The following ALDH1L1 variants were observed in gnomAD, a reference collection of about 807,000 sequenced individuals.
ALDH1L1 encodes aldehyde dehydrogenase 1 family member L1.
Under a neutral mutation model 101.1 loss-of-function variants are expected in ALDH1L1, and 68 were observed. The ratio of observed to expected loss-of-function variants is 0.67; its 90% CI spans 0.55 to 0.82. The LOEUF is 0.82. Ranked by LOEUF, ALDH1L1 falls within the 40% of genes least tolerant of loss-of-function variation. The probability of loss-of-function intolerance (pLI) is 0.00; values close to 1 mark genes in which losing one functional copy is unlikely to be tolerated. For missense variants in ALDH1L1, 1,087 were observed against 1,172.7 expected, an observed-to-expected ratio of 0.93 and a Z score of 1.07; for synonymous variants, 486 against 470.8, an observed-to-expected ratio of 1.03 and a Z score of -0.42.
chr3:126,179,810 G>A (rs1431992219), intron 1 of ALDH1L1: 1 of 152,188 alleles, frequency 6.6e-6, no homozygotes, highest in African/African-American at 2.4e-5. Context: ...TCCTCTCCTA[G>A]GCAAGTGCCC....
intron 1 of ALDH1L1, among the ~76,000 whole-genome samples, chr3:126,176,939 G>C (rs148202979): frequency 1.3e-5 from 2 of 152,344 alleles, no homozygotes; most frequent in Admixed American, 1.3e-4. Flanking sequence ...ACAGATGGCA[G>C]AGAAGCATTT....
chr3:126,175,664 T>G (rs1332331270), intron 1 of ALDH1L1, among the ~76,000 whole-genome samples: 1 of 152,108 alleles, frequency 6.6e-6, no homozygotes, highest in Non-Finnish European at 1.5e-5. Context: ...TGATAAGAGC[T>G]TTCAGCAAGC....
chr3:126,114,791 A>ACCCCCCCCCCCCCCC, intron 17 of ALDH1L1, 135 bp from the exon 18 acceptor site: 5 of 600,056 alleles, frequency 8.3e-6, no homozygotes, highest in Non-Finnish European at 1.4e-5. Context: ...GTGCCTCCCC[A>ACCCCCCCCCCCCCCC]CTCCCCCCCA....
At chr3:126,180,900 C>A, upstream of ALDH1L1, 1 of 1,597,852 alleles carries the variant, frequency 6.3e-7, no homozygotes, top group South Asian at 1.1e-5. Context: ...CAGAGGAGAC[C>A]CTCGCCAAGC....
In ALDH1L1 at chr3:126,133,896, T is replaced by C. The variant is rs367943452; in HGVS notation, c.1472+1639A>G. Reference sequence around the variant, plus strand: ...CACGGTCTTTCCCAGGAGCTCCTCTTTGTGGCCCCACTTGGCAGCTGGATA... The same window carrying C: ...CACGGTCTTTCCCAGGAGCTCCTCTCTGTGGCCCCACTTGGCAGCTGGATA... On this transcript the variant is annotated intron_variant, in intron 12 of 22. Coordinates refer to ENST00000393434, the MANE Select transcript of ALDH1L1 (RefSeq NM_012190.4). Among the ~76,000 whole-genome samples the C allele has an allele frequency of 3.0e-4, 46 of 152,298 alleles. 1 individual carries two copies. In the South Asian group the frequency reaches 7.9e-3, roughly 26 times the overall value.
chr3:126,161,846 A>G (rs1326800274), intron 1 of ALDH1L1, among the ~76,000 whole-genome samples: 1 of 152,216 alleles, frequency 6.6e-6, no homozygotes, highest in East Asian at 1.9e-4. Flanking sequence ...CCAGAAAGAG[A>G]AAAACTCCAG....
intron 18 of ALDH1L1, among the ~76,000 whole-genome samples, chr3:126,113,467 G>A (rs1353860795): frequency 1.3e-5 from 2 of 152,106 alleles, no homozygotes; most frequent in Non-Finnish European, 2.9e-5. Context: ...TTTCAAACTC[G>A]CCTGCTGTGG....
intron 17 of ALDH1L1, chr3:126,115,163 C>T (rs764263255): frequency 4.1e-5 from 18 of 441,548 alleles, no homozygotes; most frequent in African/African-American, 8.0e-5. Flanking sequence ...CAGCACCATC[C>T]GCTGGCACAG....
upstream of ALDH1L1, among the ~76,000 whole-genome samples, chr3:126,185,899 G>A (rs2081514746): frequency 6.6e-6 from 1 of 152,196 alleles, no homozygotes; most frequent in African/African-American, 2.4e-5. Flanking sequence ...CAACATGGAG[G>A]AATCTTGAGT....
intron 12 of ALDH1L1, among the ~76,000 whole-genome samples, chr3:126,134,774 T>C (rs978217048): frequency 6.6e-6 from 1 of 152,172 alleles, no homozygotes; most frequent in African/African-American, 2.4e-5. Context: ...TAACTTGGCT[T>C]CGCACCCCTA....
intron 20 of ALDH1L1, among the ~76,000 whole-genome samples, 198 bp from the exon 21 acceptor site, chr3:126,107,444 C>G (rs2276726): frequency 0.2 from 30,140 of 152,218 alleles, 3,106 homozygotes; most frequent in Middle Eastern, 0.28. Flanking sequence ...GTGGGTCTCA[C>G]CGTGCTTTTA....
chr3:126,112,545 G>T (rs984299524), intron 19 of ALDH1L1, among the ~76,000 whole-genome samples: 5 of 152,184 alleles, frequency 3.3e-5, no homozygotes, highest in African/African-American at 1.2e-4. Flanking sequence ...CCCAAGATGG[G>T]CCCTTTTTGG....
chr3:126,142,820 T>C (rs1418743946), intron 9 of ALDH1L1, among the ~76,000 whole-genome samples: 1 of 152,146 alleles, frequency 6.6e-6, no homozygotes, highest in African/African-American at 2.4e-5. Context: ...TTCAATACAC[T>C]ATAGTAGTTC....
chr3:126,124,168 G>A (rs1246061899), intron 16 of ALDH1L1, among the ~76,000 whole-genome samples, 196 bp downstream of exon 16: 1 of 151,746 alleles, frequency 6.6e-6, no homozygotes, highest in Non-Finnish European at 1.5e-5. Flanking sequence ...TTCAGCTGGG[G>A]CATCTGAAGA....
chr3:126,159,941 A>G (rs2108300672), intron 2 of ALDH1L1, among the ~76,000 whole-genome samples: 1 of 152,216 alleles, frequency 6.6e-6, no homozygotes, highest in East Asian at 1.9e-4. Context: ...CCAGGCCTAC[A>G]AGCCCCCTTT....
At chr3:126,147,041 T>C (rs1032562125) in intron 8 of ALDH1L1, 115 bp from the exon 9 acceptor site, 49 of 928,662 alleles carry the variant, frequency 5.3e-5, no homozygotes, top group Non-Finnish European at 5.2e-5. Flanking sequence ...GCTGGGCTTC[T>C]CTATGTACCT....
intron 21 of ALDH1L1, 29 bp downstream of exon 21, chr3:126,107,112 G>A: frequency 4.4e-6 from 7 of 1,587,966 alleles, no homozygotes; most frequent in South Asian, 2.2e-5. Context: ...GAGAGTCAGG[G>A]CCCTTGAGAC....
chr3:126,137,835 T>G lies in ALDH1L1; in HGVS notation c.1202A>C (p.Glu401Ala). 6.2e-7 allele frequency: 1 copy of G among 1,614,132 alleles called. No homozygotes were observed. The highest frequency in any genetic ancestry group is 8.5e-7 in the Non-Finnish European group (1 of 1,180,002). ...CACGTAGTCAATGCTGCACTCGCCC[T>G]CCTCATCGTCCCCTCGCAGCTTCCT... is the stretch of plus-strand genomic sequence containing the variant. ...LVRKLRGDDE[E>A]GECSIDYVEM... Residue 401 changes from glutamate to alanine, a missense_variant, in exon 10 of 23, where the codon GAG becomes GCG. This residue lies in a region of ALDH1L1 where 645 missense variants were observed against 637.0 expected (regional missense o/e 1.01). Transcript: ENST00000393434.
chr3:126,158,304 T>A, intron 3 of ALDH1L1, 101 bp downstream of exon 3: 1 of 1,194,964 alleles, frequency 8.4e-7, no homozygotes, highest in East Asian at 2.6e-5. Context: ...CGATGCCCAC[T>A]CTGCAGCCCT....
Sources: gnomAD v4.1 joint callset for allele counts (sites outside exome capture counted in the v4.1 genomes callset) on GRCh38, gnomAD v4.1.1 for gene constraint, gnomAD v4.1.1 regional missense constraint, MANE v1.5 for transcripts, NCBI Gene and HGNC (gene_info 2026-07-23, HGNC 2026-07-21) for gene names.